Variants in SGCZ observed in about 807,000 individuals in gnomAD.
SGCZ encodes the protein sarcoglycan zeta.
Under a neutral mutation model 41.3 loss-of-function variants are expected in SGCZ, and 40 were observed. The ratio of observed to expected loss-of-function variants is 0.97; its 90% confidence interval spans 0.75 to 1.26. The LOEUF is 1.26. Among genes scored for constraint, SGCZ ranks in the 50% most tolerant of loss-of-function variants. The pLI is 0.00. For synonymous variants in SGCZ, 206 were observed against 137.5 expected (o/e 1.50, Z -3.49); for missense variants, 552 against 369.8 (o/e 1.49, Z -4.04).
chr8:14,795,451 T>C (rs2130482863), intron 1 of SGCZ, among the ~76,000 whole-genome samples: 1 of 152,252 alleles, frequency 6.6e-6, no homozygotes, highest in Middle Eastern at 3.4e-3. Context: ...TTGTTTGTTT[T>C]TGTTTCTTTT....
intron 1 of SGCZ, among the ~76,000 whole-genome samples, chr8:14,695,995 T>C (rs1197811762): frequency 6.6e-6 from 1 of 152,166 alleles, no homozygotes; most frequent in Non-Finnish European, 1.5e-5. Flanking sequence ...TGAAATTTTA[T>C]AAGATATTGG....
intron 1 of SGCZ, among the ~76,000 whole-genome samples, chr8:15,225,554 T>C (rs1461469989): frequency 6.6e-6 from 1 of 152,202 alleles, no homozygotes; most frequent in African/African-American, 2.4e-5. Context: ...AAGAGGGTAC[T>C]CTTTTCCAGA....
Position 14,554,813 on chromosome 8 carries a change from G to T in SGCZ, c.153C>A (p.Phe51Leu), listed in dbSNP as rs897307913. 3.7e-6 allele frequency: 6 copies of T among 1,613,276 alleles called. No individual in the cohort carries two copies. Among genetic ancestry groups the T allele is most frequent in the Admixed American group, 3.3e-5 (2 of 59,868 alleles). Residue 51 changes from phenylalanine (F) to leucine (L), a missense_variant, in exon 2 of 8, where the codon TTC (phenylalanine) becomes TTA (leucine). Physicochemically the swap from Phe to Leu is conservative, Grantham distance 22. Coordinates refer to ENST00000382080, the MANE Select transcript of SGCZ (RefSeq NM_139167.4). ...TGGTAACCAACAGCAGAAGGACAAA[G>T]AAGTATAAGCACCTCTTTCGCCATC... ...IYGWRKRCLYFFVLLLLVTMI... is the reference protein window; with the variant it reads ...IYGWRKRCLYLFVLLLLVTMI...
intron 4 of SGCZ, among the ~76,000 whole-genome samples, chr8:14,184,294 T>A (rs754870111): frequency 2.0e-5 from 3 of 152,134 alleles, no homozygotes; most frequent in Non-Finnish European, 4.4e-5. Flanking sequence ...CCACCCCCAA[T>A]AGCATCTTTA....
At chr8:14,505,203 G>C (rs1043310824) in intron 2 of SGCZ, among the ~76,000 whole-genome samples, 2 of 151,946 alleles carry the variant, frequency 1.3e-5, no homozygotes, top group Admixed American at 6.6e-5. Flanking sequence ...AGTTATTAAA[G>C]GTTCTTAAGT....
At chr8:14,469,882 C>G (rs578112037) in intron 2 of SGCZ, among the ~76,000 whole-genome samples, 12 of 152,256 alleles carry the variant, frequency 7.9e-5, no homozygotes, top group Middle Eastern at 3.4e-3. Flanking sequence ...TCCCATATAT[C>G]TTGTCCTGTG....
chr8:14,149,929 G>C (rs1323642623), intron 5 of SGCZ, among the ~76,000 whole-genome samples: 3 of 152,044 alleles, frequency 2.0e-5, no homozygotes, highest in Non-Finnish European at 4.4e-5. Flanking sequence ...ATGGAGAAAA[G>C]ACAGTCTATC....
chr8:14,707,891 C>T (rs535367466), intron 1 of SGCZ, among the ~76,000 whole-genome samples: 3 of 152,002 alleles, frequency 2.0e-5, no homozygotes, highest in African/African-American at 7.2e-5. Context: ...CAATAGCATG[C>T]AATCATTAAA....
chr8:15,025,701 G>C (rs1803429256), intron 1 of SGCZ, among the ~76,000 whole-genome samples: 1 of 152,054 alleles, frequency 6.6e-6, no homozygotes, highest in Non-Finnish European at 1.5e-5. Context: ...TATTATCATG[G>C]GTATGGAGAG....
chr8:14,938,894 G>C (rs1195256116), intron 1 of SGCZ, among the ~76,000 whole-genome samples: 1 of 151,872 alleles, frequency 6.6e-6, no homozygotes, highest in Non-Finnish European at 1.5e-5. Context: ...TCCGCAGTTG[G>C]TTGAATCCCC....
chr8:14,157,555 T>C (rs918863264), intron 5 of SGCZ, among the ~76,000 whole-genome samples: 14 of 151,548 alleles, frequency 9.2e-5, no homozygotes, highest in African/African-American at 3.4e-4. Context: ...ATTACTGTTA[T>C]TTATTTGTTA....
chr8:14,878,786 G>A (rs1164141466), intron 1 of SGCZ, among the ~76,000 whole-genome samples: 8 of 152,188 alleles, frequency 5.3e-5, no homozygotes, highest in African/African-American at 9.7e-5. Context: ...TAAGGAGAAA[G>A]TAGCAGTAAT....
intron 1 of SGCZ, among the ~76,000 whole-genome samples, chr8:14,558,971 G>C (rs965734073): frequency 7.2e-5 from 11 of 151,894 alleles, no homozygotes; most frequent in Admixed American, 5.9e-4. Context: ...GCACAGAAGG[G>C]ACATACCTCA....
chr8:14,359,007 A>G (rs1803405365), intron 2 of SGCZ, among the ~76,000 whole-genome samples: 1 of 152,152 alleles, frequency 6.6e-6, no homozygotes, highest in South Asian at 2.1e-4. Context: ...ACGTAATTCT[A>G]AAATACATGA....
chr8:15,209,005 AGTGGT>A (rs1277859662), intron 1 of SGCZ, among the ~76,000 whole-genome samples: 1 of 151,956 alleles, frequency 6.6e-6, no homozygotes, highest in East Asian at 1.9e-4. Flanking sequence ...AGTTCTTCAG[AGTGGT>A]GTGGTAGAGG....
At chr8:14,238,557 A>G (rs1256506154) in intron 3 of SGCZ, among the ~76,000 whole-genome samples, 2 of 152,196 alleles carry the variant, frequency 1.3e-5, no homozygotes, top group Admixed American at 6.5e-5. Context: ...AGTTGATTGA[A>G]GGACAATAAC....
At chr8:14,469,891 T>G (rs1370555063) in intron 2 of SGCZ, among the ~76,000 whole-genome samples, 2 of 152,176 alleles carry the variant, frequency 1.3e-5, no homozygotes, top group Non-Finnish European at 2.9e-5. Context: ...TCTTGTCCTG[T>G]GAATTTATCT....
At chr8:14,388,774 A>G (rs1804660983) in intron 2 of SGCZ, among the ~76,000 whole-genome samples, 1 of 151,960 alleles carries the variant, frequency 6.6e-6, no homozygotes, top group Admixed American at 6.6e-5. Context: ...ATGCAAGTTT[A>G]CTATGTAAAA....
At chr8:14,290,228 A>C (rs1338437778) in intron 3 of SGCZ, among the ~76,000 whole-genome samples, 2 of 152,144 alleles carry the variant, frequency 1.3e-5, no homozygotes, top group African/African-American at 4.8e-5. Flanking sequence ...TCAAAACTAC[A>C]AAACTACAAG....
Sources: allele counts gnomAD v4.1 joint callset (sites outside exome capture counted in the v4.1 genomes callset), GRCh38; gene constraint gnomAD v4.1.1; transcripts MANE v1.5; gene names NCBI Gene and HGNC (gene_info 2026-07-23, HGNC 2026-07-21).